MYT1L: variants seen among roughly 807,000 people sequenced by gnomAD.
MYT1L encodes myelin transcription factor 1-like protein.
MYT1L carries 12 observed loss-of-function variants against 126.7 expected under a neutral mutation model. That is an observed-to-expected ratio of 0.09 (90% CI 0.06 to 0.15). MYT1L has a LOEUF of 0.15. Among genes scored for constraint, MYT1L ranks in the 10% least tolerant of loss-of-function variants. MYT1L has a pLI of 1.00. For missense variants in MYT1L, 979 were observed against 1,585.2 expected (o/e 0.62, Z 6.49); for synonymous variants, 541 against 604.2 (o/e 0.90, Z 1.53).
intron 1 of MYT1L, chr2:2,303,524 C>G (rs1215578072): frequency 6.6e-6 from 1 of 152,274 alleles, no homozygotes; most frequent in African/African-American, 2.4e-5. Flanking sequence ...CTTAATCAGG[C>G]TTGGGTCAGG....
chr2:1,947,787 G>C (rs1406405767), intron 8 of MYT1L, among the ~76,000 whole-genome samples: 1 of 152,252 alleles, frequency 6.6e-6, no homozygotes, highest in African/African-American at 2.4e-5. Flanking sequence ...GGAAAGTCAA[G>C]TACACATGGA....
chr2:1,934,840 T>G (rs1193284157), intron 9 of MYT1L, among the ~76,000 whole-genome samples: 2 of 151,970 alleles, frequency 1.3e-5, no homozygotes, highest in African/African-American at 2.4e-5. Context: ...AGTGATTGCT[T>G]TTATTGTCAG....
chr2:2,024,182 T>C (rs899273396), intron 4 of MYT1L, among the ~76,000 whole-genome samples: 1 of 152,246 alleles, frequency 6.6e-6, no homozygotes, highest in Non-Finnish European at 1.5e-5. Flanking sequence ...AAGGCACCCA[T>C]TCAAGATCCC....
chr2:2,250,355 A>G (rs2094613482), intron 2 of MYT1L, among the ~76,000 whole-genome samples: 1 of 152,182 alleles, frequency 6.6e-6, no homozygotes, highest in Non-Finnish European at 1.5e-5. Flanking sequence ...AGATTCTGCC[A>G]TTTGCACCAA....
intron 3 of MYT1L, among the ~76,000 whole-genome samples, chr2:2,172,383 C>T (rs1382224841): frequency 6.6e-6 from 1 of 152,222 alleles, no homozygotes; most frequent in African/African-American, 2.4e-5. Flanking sequence ...CACAAGGAGG[C>T]TCACATCATT....
At chr2:1,813,515 GC>G (rs1439085454) in intron 21 of MYT1L, among the ~76,000 whole-genome samples, 2 of 152,190 alleles carry the variant, frequency 1.3e-5, no homozygotes, top group Admixed American at 1.3e-4. Context: ...GAGGAACCGG[GC>G]CGTACAGGTG....
chr2:1,990,787 C>T (rs2061396520), intron 5 of MYT1L, among the ~76,000 whole-genome samples: 1 of 152,204 alleles, frequency 6.6e-6, no homozygotes, highest in Admixed American at 6.5e-5. Context: ...GGAACAGGCC[C>T]AGTCGTCTAG....
At chr2:2,032,428 G>A in intron 4 of MYT1L, among the ~76,000 whole-genome samples, 1 of 87,052 alleles carries the variant, frequency 1.1e-5, no homozygotes, top group Admixed American at 1.2e-4. Flanking sequence ...ACCCTCGCCA[G>A]TGCCTCTCAT....
intron 8 of MYT1L, among the ~76,000 whole-genome samples, chr2:1,952,029 A>G (rs2060195): frequency 0.3 from 46,079 of 152,122 alleles, 7,608 homozygotes; most frequent in African/African-American, 0.45. Context: ...TATTACATTA[A>G]ATATATTTTA....
At chr2:1,843,172 C>T (rs951760643) in intron 19 of MYT1L, among the ~76,000 whole-genome samples, 3 of 152,244 alleles carry the variant, frequency 2.0e-5, no homozygotes, top group Admixed American at 2.0e-4. Flanking sequence ...TTCCCAGCTG[C>T]GTGGCCTCTG....
In MYT1L at chr2:2,295,685, CAGAG is replaced by C. The variant is rs201138507; in HGVS notation, c.-520-11186_-520-11183del. On this transcript the variant is annotated intron_variant, in intron 1 of 24. Coordinates refer to ENST00000647738, the MANE Select transcript of MYT1L (RefSeq NM_001303052.2). ...AGACAGAGAGAGAGAGAGAGACAGA[CAGAG>C]AGAGAGAGAGAGAGACAGACAGACA... Among the ~76,000 whole-genome samples, 46 of 18,540 alleles carry C rather than the reference CAGAG, an allele frequency of 2.5e-3. 4 individuals carry two copies. The highest frequency in any genetic ancestry group is 7.9e-3 in the East Asian group (4 of 504). 12.2% of individuals were successfully genotyped at this position (18,540 alleles called of 152,430 possible).
chr2:2,024,257 T>G (rs2065312716), intron 4 of MYT1L, among the ~76,000 whole-genome samples: 1 of 152,224 alleles, frequency 6.6e-6, no homozygotes, highest in African/African-American at 2.4e-5. Flanking sequence ...TGCAAGGTAA[T>G]AGAACACCAG....
intron 4 of MYT1L, among the ~76,000 whole-genome samples, chr2:2,003,728 C>A (rs368909797): frequency 6.6e-6 from 1 of 152,184 alleles, no homozygotes; most frequent in Non-Finnish European, 1.5e-5. Flanking sequence ...GGCTGCCGAG[C>A]CTCCTCCATG....
intron 5 of MYT1L, among the ~76,000 whole-genome samples, chr2:1,995,943 C>A (rs549894235): frequency 6.6e-6 from 1 of 152,132 alleles, no homozygotes; most frequent in Admixed American, 6.5e-5. Flanking sequence ...AAGATGGGGT[C>A]AATCCAGCCA....
At chr2:1,998,937 C>T (rs1426127572) in intron 4 of MYT1L, among the ~76,000 whole-genome samples, 1 of 152,144 alleles carries the variant, frequency 6.6e-6, no homozygotes, top group African/African-American at 2.4e-5. Context: ...TCGCACTGCC[C>T]TGTGAAGACA....
At chr2:2,102,096 T>A (rs569002702) in intron 3 of MYT1L, among the ~76,000 whole-genome samples, 39 of 152,304 alleles carry the variant, frequency 2.6e-4, no homozygotes, top group African/African-American at 8.9e-4. Context: ...TTCCTCCAAA[T>A]CCCTGCAGTC....
At chr2:2,111,828 G>A (rs1248184851) in intron 3 of MYT1L, among the ~76,000 whole-genome samples, 1 of 152,238 alleles carries the variant, frequency 6.6e-6, no homozygotes, top group Non-Finnish European at 1.5e-5. Context: ...CGAGCCTGGG[G>A]GTCCTCCTGG....
At chr2:1,881,744 G>A (rs1198718185) in intron 18 of MYT1L, among the ~76,000 whole-genome samples, 1 of 152,074 alleles carries the variant, frequency 6.6e-6, no homozygotes, top group East Asian at 1.9e-4. Flanking sequence ...GCGGGTCACA[G>A]GGAAACTGCA....
intron 1 of MYT1L, among the ~76,000 whole-genome samples, chr2:2,311,478 G>T (rs1400457440): frequency 6.6e-6 from 1 of 152,192 alleles, no homozygotes; most frequent in Non-Finnish European, 1.5e-5. Context: ...GGGTATATAA[G>T]CTGAGAGCCC....
Sources: gnomAD v4.1 joint callset for allele counts (sites outside exome capture counted in the v4.1 genomes callset) on GRCh38, gnomAD v4.1.1 for gene constraint, MANE v1.5 for transcripts, NCBI Gene and HGNC (gene_info 2026-07-23, HGNC 2026-07-21) for gene names.